GPALPP1: variants seen among roughly 807,000 people sequenced by gnomAD.
GPALPP1 encodes GPALPP motifs containing 1, also known as GPALPP motifs-containing protein 1.
Under a neutral mutation model 38.9 loss-of-function variants are expected in GPALPP1, and 30 were observed. The observed-to-expected ratio is 0.77, with a 90% CI of 0.58 to 1.05. The LOEUF is 1.05. Among genes scored for constraint, GPALPP1 ranks in the 50% least tolerant of loss-of-function variants. The pLI is 0.00. For synonymous variants in GPALPP1, 120 were observed against 139.2 expected, an observed-to-expected ratio of 0.86 and a Z score of 0.97; for missense variants, 384 against 408.8, an observed-to-expected ratio of 0.94 and a Z score of 0.52.
At chr13:45,019,802 G>T (rs199639200) in intron 6 of GPALPP1, among the ~76,000 whole-genome samples, 3 of 145,312 alleles carry the variant, frequency 2.1e-5, no homozygotes, top group South Asian at 4.4e-4. Flanking sequence ...AGTGGAGTGG[G>T]TTTTTTTTTC....
chr13:44,995,203 C>CACACACACACACACACA (rs10658655), intron 1 of GPALPP1, among the ~76,000 whole-genome samples: 20 of 34,976 alleles, frequency 5.7e-4, no homozygotes, highest in East Asian at 3.7e-3. Context: ...CACACACACA[C>CACACACACACACACACA]CCCTTCTCTT....
intron 1 of GPALPP1, among the ~76,000 whole-genome samples, chr13:45,001,012 T>C (rs1169091178): frequency 1.3e-5 from 2 of 152,194 alleles, no homozygotes; most frequent in Non-Finnish European, 2.9e-5. Flanking sequence ...CCCTGAGCTT[T>C]ACACTGTAAT....
downstream of GPALPP1, chr13:45,033,942 A>T (rs1029203257): frequency 7.2e-5 from 11 of 152,164 alleles, no homozygotes; most frequent in African/African-American, 2.7e-4. Context: ...TTGTTTGAGT[A>T]TGAGTTTCTT....
At chr13:44,997,861 G>A (rs1213580123) in intron 1 of GPALPP1, among the ~76,000 whole-genome samples, 1 of 152,108 alleles carries the variant, frequency 6.6e-6, no homozygotes, top group East Asian at 1.9e-4. Flanking sequence ...ATCAGTCCAA[G>A]TGTTTACCCC....
intron 1 of GPALPP1, among the ~76,000 whole-genome samples, chr13:44,999,648 T>G (rs1873526328): frequency 6.6e-6 from 1 of 152,120 alleles, no homozygotes; most frequent in Admixed American, 6.6e-5. Flanking sequence ...GGCGTGATCT[T>G]GGCTCACAGC....
At chr13:45,015,711 G>A (rs1384261564) in intron 6 of GPALPP1, 115 bp downstream of exon 6, 1 of 663,920 alleles carries the variant, frequency 1.5e-6, no homozygotes, top group African/African-American at 1.9e-5. Flanking sequence ...ATTCCAAAAG[G>A]ATAATGCGGA....
rs1874809313 is a variant in GPALPP1 at position 45,015,597 on chromosome 13, G to T, written c.705+1G>T. ...AGCTGATAGGGAAAGGAAAGCTAAG[G>T]TGAGAGGTTTTGTTTGTTTGTTCAT... is the stretch of plus-strand genomic sequence containing the variant. On this transcript the variant is annotated splice_donor_variant, in intron 6 of 7. Transcript: ENST00000379151. LOFTEE classifies it high-confidence loss of function. 1 of 1,477,756 alleles carries T rather than the reference G, an allele frequency of 6.8e-7. No homozygotes were observed. The highest frequency in any genetic ancestry group is 9.0e-7 in the Non-Finnish European group (1 of 1,110,352). 91.5% of individuals were successfully genotyped at this position (1,477,756 alleles called of 1,614,324 possible).
chr13:45,010,520 T>C (rs371013520), intron 4 of GPALPP1, among the ~76,000 whole-genome samples: 3 of 152,350 alleles, frequency 2.0e-5, no homozygotes, highest in African/African-American at 7.2e-5. Context: ...ATAGTAGATA[T>C]TCAGAAGTAT....
At chr13:45,005,585 A>G (rs1243195608) in intron 2 of GPALPP1, among the ~76,000 whole-genome samples, 3 of 152,224 alleles carry the variant, frequency 2.0e-5, no homozygotes, top group Non-Finnish European at 4.4e-5. Context: ...TTACTGAGAA[A>G]CATCTGACCA....
downstream of GPALPP1, chr13:45,034,569 G>A (rs1876336936): frequency 1.3e-5 from 2 of 152,248 alleles, no homozygotes; most frequent in Admixed American, 1.3e-4. Context: ...TTGAGGAACT[G>A]CTCCAGTATG....
intron 4 of GPALPP1, among the ~76,000 whole-genome samples, chr13:45,014,598 G>C (rs1874700477): frequency 1.3e-5 from 2 of 152,144 alleles, no homozygotes; most frequent in South Asian, 4.1e-4. Flanking sequence ...GTGTGTGTGT[G>C]TATTAGAGTA....
chr13:44,998,429 T>C (rs1393631097), intron 1 of GPALPP1, among the ~76,000 whole-genome samples: 5 of 152,228 alleles, frequency 3.3e-5, no homozygotes, highest in Non-Finnish European at 7.3e-5. Context: ...ACCAGTCCAC[T>C]GAGACCCTCA....
At chr13:45,019,660 T>G (rs2138003472) in intron 6 of GPALPP1, among the ~76,000 whole-genome samples, 1 of 151,838 alleles carries the variant, frequency 6.6e-6, no homozygotes, top group African/African-American at 2.4e-5. Flanking sequence ...TTTGTTTTTT[T>G]TTCCCCCTCC....
exon 8 of GPALPP1, chr13:45,037,528 A>T (rs886301461): frequency 2.6e-5 from 4 of 152,210 alleles, no homozygotes; most frequent in Non-Finnish European, 2.9e-5. Context: ...TTTAGTATTC[A>T]TTTTAACTGA....
At chr13:44,996,565 C>A (rs1873292902) in intron 1 of GPALPP1, among the ~76,000 whole-genome samples, 1 of 151,782 alleles carries the variant, frequency 6.6e-6, no homozygotes, top group South Asian at 2.1e-4. Flanking sequence ...CTTACTGCAA[C>A]CTCTGCCTCC....
intron 5 of GPALPP1, 36 bp downstream of exon 5, chr13:45,015,119 T>C (rs1234859970): frequency 3.7e-6 from 5 of 1,342,562 alleles, no homozygotes; most frequent in Admixed American, 4.6e-5. Flanking sequence ...ATACACTAAA[T>C]AGATTAAAAA....
At chr13:44,994,627 G>T (rs1272710218) in intron 1 of GPALPP1, among the ~76,000 whole-genome samples, 1 of 152,126 alleles carries the variant, frequency 6.6e-6, no homozygotes, top group Non-Finnish European at 1.5e-5. Context: ...CTAGTTTTCA[G>T]AGCTCAGTAC....
chr13:45,001,149 G>A (rs1348806545), intron 1 of GPALPP1, among the ~76,000 whole-genome samples: 3 of 152,136 alleles, frequency 2.0e-5, no homozygotes, highest in Non-Finnish European at 2.9e-5. Flanking sequence ...TGCTGTTCTC[G>A]TGATAGTGAG....
chr13:45,034,430 CTAGT>C (rs1240413765), downstream of GPALPP1: 1 of 152,128 alleles, frequency 6.6e-6, no homozygotes, highest in Non-Finnish European at 1.5e-5. Flanking sequence ...GGAATTCTAT[CTAGT>C]TAGAGTGATA....
Sources: allele counts gnomAD v4.1 joint callset (sites outside exome capture counted in the v4.1 genomes callset), GRCh38; gene constraint gnomAD v4.1.1; transcripts MANE v1.5; gene names NCBI Gene and HGNC (gene_info 2026-07-23, HGNC 2026-07-21).